SRGAP1: variants seen among roughly 807,000 people sequenced by gnomAD.
SRGAP1 encodes the protein SLIT-ROBO Rho GTPase-activating protein 1.
Under a neutral mutation model 121.9 loss-of-function variants are expected in SRGAP1, and 43 were observed. The ratio of observed to expected loss-of-function variants is 0.35; its 90% CI spans 0.28 to 0.46. The LOEUF is 0.46. Among genes scored for constraint, SRGAP1 ranks in the 20% least tolerant of loss-of-function variants. SRGAP1 has a pLI of 1.00. For missense variants in SRGAP1, 1,102 were observed against 1,350.9 expected (o/e 0.82, Z 2.89); for synonymous variants, 447 against 485.4 (o/e 0.92, Z 1.04).
At chr12:64,029,260 G>A (rs551221513) in intron 4 of SRGAP1, among the ~76,000 whole-genome samples, 16 of 152,330 alleles carry the variant, frequency 1.1e-4, no homozygotes, top group South Asian at 4.1e-4. Context: ...AATTTGTGTC[G>A]TGTCTCTAAA....
intron 15 of SRGAP1, 145 bp downstream of exon 15, chr12:64,097,520 G>A (rs1326653484): frequency 1.0e-5 from 9 of 884,376 alleles, no homozygotes; most frequent in Non-Finnish European, 1.5e-5. Flanking sequence ...TTTCTTTCTG[G>A]ATCCAGTGCG....
chr12:64,003,944 T>G (rs188156663), intron 3 of SRGAP1, among the ~76,000 whole-genome samples: 128 of 152,154 alleles, frequency 8.4e-4, no homozygotes, highest in Admixed American at 3.1e-3. Flanking sequence ...AAAAAAATAT[T>G]GAAAGCAGCC....
intron 1 of SRGAP1, among the ~76,000 whole-genome samples, chr12:63,877,842 G>GT (rs1900078272): frequency 6.6e-6 from 1 of 152,186 alleles, no homozygotes. Context: ...CCTTCGTAAG[G>GT]TTGTTGGACA....
chr12:63,929,130 AAG>A (rs2031369726), intron 1 of SRGAP1, among the ~76,000 whole-genome samples: 1 of 152,096 alleles, frequency 6.6e-6, no homozygotes, highest in African/African-American at 2.4e-5. Context: ...CCAAACACTT[AAG>A]GTCTGTGTGT....
intron 1 of SRGAP1, among the ~76,000 whole-genome samples, chr12:63,959,585 GT>G (rs150962961): frequency 1.3e-5 from 2 of 151,718 alleles, no homozygotes; most frequent in East Asian, 1.9e-4. Flanking sequence ...TGTGTGAGGG[GT>G]TTTTTTTAAA....
chr12:64,096,675 C>A (rs1329034221), intron 14 of SRGAP1, among the ~76,000 whole-genome samples: 2 of 152,140 alleles, frequency 1.3e-5, no homozygotes, highest in Non-Finnish European at 2.9e-5. Flanking sequence ...TTTTCAAGTT[C>A]CTCTATCTGA....
chr12:64,055,663 T>C (rs1021789118), intron 6 of SRGAP1, among the ~76,000 whole-genome samples: 1 of 152,058 alleles, frequency 6.6e-6, no homozygotes. Context: ...GAGATATAGA[T>C]CAATGGAACA....
At chr12:64,043,722 G>A (rs190170253) in intron 6 of SRGAP1, 147 bp downstream of exon 6, 100 of 571,922 alleles carry the variant, frequency 1.7e-4, no homozygotes, top group Admixed American at 6.3e-4. Flanking sequence ...TAAATTATCC[G>A]TAATATGAAG....
At chr12:63,871,690 A>T in intron 1 of SRGAP1, 1 of 746,690 alleles carries the variant, frequency 1.3e-6, no homozygotes. Context: ...TAATTTTTCT[A>T]TTGCTTCAAC....
At position 64,079,095 on chromosome 12, in the gene SRGAP1, A is replaced by G. The variant is rs955486119; in HGVS notation, c.1302A>G (p.Glu434=). 4 of 1,613,830 alleles carry G rather than the reference A, an allele frequency of 2.5e-6. No homozygotes were observed. In the Middle Eastern group the frequency reaches 5.0e-4, roughly 200 times the overall value. Residue 434 remains glutamate (E), a synonymous_variant, in exon 9 of 22, where the codon GAA becomes GAG. Transcript: ENST00000355086. ...SIAKRRANQQ[E]TEQFYFMKLR... The stretch of plus-strand genomic sequence containing the variant: ...CCAAGAGAAGAGCCAACCAGCAGGA[A>G]ACTGAACAGTTCTACTTCATGGTGT...
chr12:64,030,281 T>G (rs1399273774), intron 4 of SRGAP1, among the ~76,000 whole-genome samples: 1 of 152,174 alleles, frequency 6.6e-6, no homozygotes, highest in Admixed American at 6.5e-5. Flanking sequence ...TGAGAAACTT[T>G]TGATGAATAT....
At chr12:63,964,088 G>A (rs934893656) in intron 1 of SRGAP1, among the ~76,000 whole-genome samples, 2 of 152,046 alleles carry the variant, frequency 1.3e-5, no homozygotes, top group African/African-American at 2.4e-5. Context: ...CTAGGAACCC[G>A]CCTTCAGCAC....
chr12:64,067,204 GCCTTTT>G (rs2035556793), intron 8 of SRGAP1, among the ~76,000 whole-genome samples: 2 of 152,136 alleles, frequency 1.3e-5, no homozygotes, highest in Non-Finnish European at 2.9e-5. Context: ...CTTAATGTAT[GCCTTTT>G]TAGGCATAAT....
intron 4 of SRGAP1, chr12:64,032,665 G>C: frequency 3.5e-6 from 1 of 286,790 alleles, no homozygotes; most frequent in East Asian, 5.5e-5. Context: ...TTACAAACAA[G>C]TGAGATGAGC....
At chr12:63,905,472 G>A (rs1274384387) in intron 1 of SRGAP1, among the ~76,000 whole-genome samples, 7 of 152,208 alleles carry the variant, frequency 4.6e-5, no homozygotes, top group Non-Finnish European at 7.3e-5. Context: ...AAAAAGCCAA[G>A]TGCATGTGCC....
intron 21 of SRGAP1, among the ~76,000 whole-genome samples, chr12:64,132,494 A>G (rs147280256): frequency 1.1e-4 from 17 of 152,316 alleles, no homozygotes; most frequent in African/African-American, 4.1e-4. Flanking sequence ...CAAAATCCAA[A>G]TAGGCCCACT....
chr12:64,117,192 G>T (rs567040687), intron 18 of SRGAP1, among the ~76,000 whole-genome samples: 1 of 152,198 alleles, frequency 6.6e-6, no homozygotes, highest in East Asian at 1.9e-4. Flanking sequence ...AACCCTAGAG[G>T]GACTGTCCCT....
intron 1 of SRGAP1, among the ~76,000 whole-genome samples, chr12:63,940,950 A>G (rs553390501): frequency 6.6e-6 from 1 of 152,228 alleles, no homozygotes; most frequent in African/African-American, 2.4e-5. Context: ...GGCCTGATAA[A>G]GGCAGTTTTA....
rs2037143696 is a variant in SRGAP1 at position 64,153,898 on chromosome 12, CATGAATGG to C, written c.*11235_*11242del. On this transcript the variant is annotated 3_prime_UTR_variant, in exon 22 of 22. Transcript: ENST00000355086. The stretch of plus-strand genomic sequence containing the variant: ...CAATAGCCACAAGAGAGAAGCAACC[CATGAATGG>C]ATGAATGGGTAAAGAAAATGTGCCA... 6.6e-6 allele frequency: 1 copy of C among 152,176 alleles called. No homozygotes were observed. The allele number at this position is 152,176 out of a possible 1,614,324, so 9.4% of individuals were successfully genotyped here. A position where few individuals can be genotyped will look rare whatever the true frequency, so the allele number is the denominator to read the frequency against.
Sources: allele counts gnomAD v4.1 joint callset (sites outside exome capture counted in the v4.1 genomes callset), GRCh38; gene constraint gnomAD v4.1.1; transcripts MANE v1.5; gene names NCBI Gene and HGNC (gene_info 2026-07-23, HGNC 2026-07-21).